The following RIN2 variants were observed in gnomAD, a reference collection of about 807,000 sequenced individuals.
RIN2 encodes RAB5 interacting protein 2.
A neutral mutation model predicts 78.0 loss-of-function variants in RIN2; 36 were observed. The observed-to-expected ratio is 0.46, with a 90% CI of 0.35 to 0.61. The LOEUF (loss-of-function observed/expected upper bound fraction) is 0.61. Ranked by LOEUF, RIN2 falls within the 20% of genes least tolerant of loss-of-function variation. The pLI is 0.00. For missense variants in RIN2, 1,087 were observed against 1,159.7 expected, an observed-to-expected ratio of 0.94 and a Z score of 0.91; for synonymous variants, 466 against 466.8, an observed-to-expected ratio of 1.00 and a Z score of 0.02.
intron 3 of RIN2, among the ~76,000 whole-genome samples, chr20:19,907,780 C>T (rs1415496437): frequency 6.6e-6 from 1 of 152,210 alleles, no homozygotes; most frequent in Non-Finnish European, 1.5e-5. Context: ...ATGTGTACCT[C>T]ACCTGGGTAA....
At chr20:19,837,460 G>A (rs1041518587) in intron 2 of RIN2, among the ~76,000 whole-genome samples, 20 of 152,124 alleles carry the variant, frequency 1.3e-4, no homozygotes, top group African/African-American at 2.2e-4. Flanking sequence ...TTTAATTTGC[G>A]TTTTTGTTAC....
At chr20:19,814,162 G>A (rs151267181) in intron 2 of RIN2, among the ~76,000 whole-genome samples, 1,532 of 152,260 alleles carry the variant, frequency 0.01, 24 homozygotes, top group African/African-American at 0.033. Context: ...GTGTGTTTAC[G>A]AGGTCACACA....
rs6046417 is a variant in RIN2 at position 19,889,136 on chromosome 20, C to T, written c.-36-430C>T. On this transcript the variant is annotated intron_variant, in intron 2 of 12. Transcript: ENST00000255006. Reference sequence around the variant, plus strand: ...GAGAGGCCAGCAGAGCTAAGGATGACCTCACCCCCTTCCAGCAGGATTTCC... The same window carrying T: ...GAGAGGCCAGCAGAGCTAAGGATGATCTCACCCCCTTCCAGCAGGATTTCC... 0.013 allele frequency: 13,069 copies of T among 985,344 alleles called. 1,005 individuals are homozygous for T. The African/African-American group carries it at 0.19, about 14-fold the overall frequency. The allele number at this position is 985,344 out of a possible 1,614,324, so 61.0% of individuals were successfully genotyped here.
intron 5 of RIN2, among the ~76,000 whole-genome samples, chr20:19,960,269 G>A (rs1458836477): frequency 1.3e-5 from 2 of 152,214 alleles, no homozygotes; most frequent in Non-Finnish European, 2.9e-5. Flanking sequence ...CATAAGCCAA[G>A]TTAACCAATG....
At chr20:19,784,606 C>G (rs1481063605) in intron 1 of RIN2, among the ~76,000 whole-genome samples, 2 of 152,170 alleles carry the variant, frequency 1.3e-5, no homozygotes, top group Non-Finnish European at 2.9e-5. Context: ...ATTGTTTACA[C>G]AAGCCCTCAG....
intron 6 of RIN2, among the ~76,000 whole-genome samples, chr20:19,962,687 A>G (rs925740943): frequency 7.9e-5 from 12 of 152,164 alleles, no homozygotes; most frequent in Non-Finnish European, 1.6e-4. Flanking sequence ...AATTGAGGTG[A>G]AGGAAGGACT....
chr20:19,788,433 A>AAAAAAAAAAAAAAAACAAAAAC lies in RIN2; in HGVS notation c.-162-11174_-162-11173insCAAAAACAAAAAAAAAAAAAAA, dbSNP rs1181957268. 9.6e-4 allele frequency among the ~76,000 whole-genome samples: 120 copies of AAAAAAAAAAAAAAAACAAAAAC among 124,530 alleles called. 4 individuals are homozygous for AAAAAAAAAAAAAAAACAAAAAC. The highest frequency in any genetic ancestry group is 3.0e-3 in the African/African-American group (98 of 32,212). The allele number at this position is 124,530 out of a possible 152,430, so 81.7% of individuals were successfully genotyped here. ...AACATGGCGAAATCCTGTCTCTGCC[A>AAAAAAAAAAAAAAAACAAAAAC]AAAAAAAAAAAAAAAACAACTAGCT... On this transcript the variant is annotated intron_variant, in intron 1 of 12. Transcript: ENST00000255006.
intron 1 of RIN2, among the ~76,000 whole-genome samples, chr20:19,764,918 G>GGTTTTTTTTTTT (rs2033804608): frequency 2.4e-4 from 12 of 50,390 alleles, no homozygotes; most frequent in Non-Finnish European, 2.9e-4. Context: ...CACTTTCTGC[G>GGTTTTTTTTTTT]TTTTTTTTTT....
chr20:19,938,209 GT>G (rs1304313164), intron 4 of RIN2, among the ~76,000 whole-genome samples: 1 of 151,812 alleles, frequency 6.6e-6, no homozygotes, highest in African/African-American at 2.4e-5. Context: ...TTCTTTTTTT[GT>G]TTGTTTGGTT....
At chr20:19,847,612 A>G (rs1406703531) in intron 2 of RIN2, among the ~76,000 whole-genome samples, 1 of 152,196 alleles carries the variant, frequency 6.6e-6, no homozygotes, top group Non-Finnish European at 1.5e-5. Flanking sequence ...GCTTGTGTGA[A>G]CTGAGATGTG....
At chr20:19,861,071 C>T (rs755638020) in intron 2 of RIN2, among the ~76,000 whole-genome samples, 23 of 152,152 alleles carry the variant, frequency 1.5e-4, no homozygotes, top group Non-Finnish European at 2.9e-4. Flanking sequence ...GTTAACAGTT[C>T]CCCTTATGAC....
At chr20:19,914,455 T>TTTCTGA (rs1312342090) in intron 3 of RIN2, among the ~76,000 whole-genome samples, 1 of 152,190 alleles carries the variant, frequency 6.6e-6, no homozygotes, top group African/African-American at 2.4e-5. Context: ...CAGAAGGACA[T>TTTCTGA]TGCATCAAAA....
intron 2 of RIN2, among the ~76,000 whole-genome samples, chr20:19,887,315 A>G (rs1336789131): frequency 1.3e-5 from 2 of 152,108 alleles, no homozygotes; most frequent in African/African-American, 4.8e-5. Flanking sequence ...TGCACAGACC[A>G]AGAACTTTGT....
intron 2 of RIN2, chr20:19,823,410 TCAAATGATCC>T: frequency 1.5e-6 from 1 of 687,696 alleles, no homozygotes; most frequent in Non-Finnish European, 2.6e-6. Flanking sequence ...TCTTTTTTTG[TCAAATGATCC>T]TTTATTGAAA....
chr20:19,850,990 A>AAAGGAAGGAAGG (rs199637524), intron 2 of RIN2, among the ~76,000 whole-genome samples: 237 of 99,340 alleles, frequency 2.4e-3, no homozygotes, highest in Middle Eastern at 0.012. Flanking sequence ...GAAAGGGAGA[A>AAAGGAAGGAAGG]AAGGAAGGAA....
intron 2 of RIN2, among the ~76,000 whole-genome samples, chr20:19,811,265 CG>C (rs1359075771): frequency 2.0e-5 from 3 of 152,092 alleles, no homozygotes; most frequent in Non-Finnish European, 4.4e-5. Context: ...CCATTGGCAA[CG>C]GGGGCTCAGT....
At chr20:19,881,671 G>C (rs1227800281) in intron 2 of RIN2, among the ~76,000 whole-genome samples, 1 of 152,102 alleles carries the variant, frequency 6.6e-6, no homozygotes, top group African/African-American at 2.4e-5. Flanking sequence ...CAATCTCCTG[G>C]ACTCAAGAGA....
At chr20:19,868,533 G>A (rs896025899) in intron 2 of RIN2, among the ~76,000 whole-genome samples, 1 of 152,170 alleles carries the variant, frequency 6.6e-6, no homozygotes, top group African/African-American at 2.4e-5. Flanking sequence ...CGTGAAATGA[G>A]CAGGGCAGGT....
chr20:19,783,144 G>A (rs953371682), intron 1 of RIN2, among the ~76,000 whole-genome samples: 2 of 152,202 alleles, frequency 1.3e-5, no homozygotes, highest in African/African-American at 4.8e-5. Context: ...GTGTGTTGCT[G>A]TATCAGATCA....
Sources: gnomAD v4.1 joint callset for allele counts (sites outside exome capture counted in the v4.1 genomes callset) on GRCh38, gnomAD v4.1.1 for gene constraint, MANE v1.5 for transcripts, NCBI Gene and HGNC (gene_info 2026-07-23, HGNC 2026-07-21) for gene names.